IL32: variants seen among roughly 807,000 people sequenced by gnomAD.
IL32 encodes the protein interleukin 32, also known as interleukin-32.
In IL32, 30 loss-of-function variants were observed where a neutral mutation model predicts 16.6. The ratio of observed to expected loss-of-function variants is 1.81; its 90% CI spans 1.35 to 2.45. The LOEUF (loss-of-function observed/expected upper bound fraction) is 2.45. Among genes scored for constraint, IL32 ranks in the 30% most tolerant of loss-of-function variants. IL32 has a pLI of 0.00. For missense variants in IL32, 234 were observed against 229.8 expected, an observed-to-expected ratio of 1.02 and a Z score of -0.12; for synonymous variants, 70 against 86.1, an observed-to-expected ratio of 0.81 and a Z score of 1.03.
chr16:3,067,279 G>GTGTGTGTGTGTGTGTCTC, intron 2 of IL32, 98 bp from the exon 3 acceptor site: 2 of 422,740 alleles, frequency 4.7e-6, no homozygotes, highest in East Asian at 3.7e-5. Context: ...CTCTGTGTGT[G>GTGTGTGTGTGTGTGTCTC]TGTGTGTGTG....
chr16:3,067,808 G>T, intron 4 of IL32, 176 bp from the exon 5 acceptor site: 1 of 832,148 alleles, frequency 1.2e-6, no homozygotes, highest in Non-Finnish European at 2.0e-6. Context: ...ACTGAGGGAG[G>T]CATCCAAGCC....
At chr16:3,067,271 CTGTGTGTG>C (rs60859102) in intron 2 of IL32, 98 bp from the exon 3 acceptor site, 7,776 of 598,928 alleles carry the variant, frequency 0.013, 17 homozygotes, top group East Asian at 0.039. Context: ...CCATGTGTCT[CTGTGTGTG>C]TGTGTGTGTG....
At chr16:3,067,339 T>A in intron 2 of IL32, 38 bp from the exon 3 acceptor site, 1 of 1,214,846 alleles carries the variant, frequency 8.2e-7, no homozygotes. Flanking sequence ...AAGGTTAAGG[T>A]GACACATGGA....
At position 3,068,018 on chromosome 16, in the gene IL32, G is replaced by T. The variant is rs371879409; in HGVS notation, c.141+8G>T. The T allele has an allele frequency of 6.2e-7, 1 of 1,613,822 alleles. No homozygotes were observed. Among genetic ancestry groups the T allele is most frequent in the East Asian group, 2.2e-5 (1 of 44,834 alleles). On this transcript the variant is annotated splice_region_variant and intron_variant, in intron 5 of 6. Coordinates refer to ENST00000525643, the MANE Select transcript of IL32 (RefSeq NM_001376923.1). ...AGCCTGGCAGAGCTGGAGGTGAGCC[G>T]TGGCCTCCCCCTCCACCAAGCTTAG... is the stretch of plus-strand genomic sequence containing the variant.
At chr16:3,065,740 C>G in intron 1 of IL32, 44 bp from the exon 2 acceptor site, 1 of 1,598,904 alleles carries the variant, frequency 6.3e-7, no homozygotes, top group Non-Finnish European at 8.6e-7. Flanking sequence ...GAGGGTGCTT[C>G]TCTGAGACAC....
intron 4 of IL32, 141 bp from the exon 5 acceptor site, chr16:3,067,843 G>C (rs929466917): frequency 9.8e-7 from 1 of 1,019,414 alleles, no homozygotes; most frequent in Non-Finnish European, 1.5e-6. Flanking sequence ...GGAAACAACA[G>C]GGGTGCCAGA....
At chr16:3,068,501 C>T (rs576739690) in intron 6 of IL32, 1 of 491,012 alleles carries the variant, frequency 2.0e-6, no homozygotes, top group African/African-American at 1.9e-5. Context: ...TTAGTAGAGA[C>T]CAGGTTTCAC....
At chr16:3,066,605 G>A (rs1024122689) in intron 2 of IL32, among the ~76,000 whole-genome samples, 1 of 152,090 alleles carries the variant, frequency 6.6e-6, no homozygotes, top group Admixed American at 6.5e-5. Flanking sequence ...GGCCTCTGTG[G>A]ATGCAGCCAC....
chr16:3,068,549 G>T (rs1039633393), intron 6 of IL32: 1 of 428,768 alleles, frequency 2.3e-6, no homozygotes, highest in Non-Finnish European at 4.3e-6. Context: ...CTAACCTTGT[G>T]TTCCGTCTGC....
chr16:3,066,021 G>C (rs754293568), intron 2 of IL32, among the ~76,000 whole-genome samples, 195 bp downstream of exon 2: 12 of 152,144 alleles, frequency 7.9e-5, no homozygotes, highest in Non-Finnish European at 1.6e-4. Flanking sequence ...GCTGGAGAAC[G>C]GCAGGGGTGT....
chr16:3,067,462 C>G, intron 3 of IL32, 47 bp downstream of exon 3: 3 of 1,613,132 alleles, frequency 1.9e-6, no homozygotes, highest in Non-Finnish European at 2.5e-6. Context: ...GCCTGGGTCT[C>G]AGCGTGTGAC....
intron 4 of IL32, 126 bp from the exon 5 acceptor site, chr16:3,067,858 G>A: frequency 1.7e-6 from 2 of 1,148,334 alleles, no homozygotes; most frequent in Non-Finnish European, 1.3e-6. Context: ...GCCAGACGTG[G>A]CCCGGGCCCC....
Position 3,069,467 on chromosome 16 carries a change from T to A in IL32, c.*112T>A, listed in dbSNP as rs1462417864. 8.4e-6 allele frequency: 11 copies of A among 1,307,164 alleles called. No homozygotes were observed. The highest frequency in any genetic ancestry group is 1.1e-5 in the Non-Finnish European group (10 of 951,156). 81.0% of individuals were successfully genotyped at this position (1,307,164 alleles called of 1,614,324 possible). A position where few individuals can be genotyped will look rare whatever the true frequency, so the allele number is the denominator to read the frequency against. ...CACACTCAGTCCCCCTGCCTGGCGTTCCTGCCGCAGCTCTGACCTGGTGCT... is the reference window on the plus strand; with the variant it reads ...CACACTCAGTCCCCCTGCCTGGCGTACCTGCCGCAGCTCTGACCTGGTGCT... On this transcript the variant is annotated 3_prime_UTR_variant, in exon 7 of 7. Transcript: ENST00000525643.
chr16:3,067,337 G>T, intron 2 of IL32, 40 bp from the exon 3 acceptor site: 4 of 1,130,424 alleles, frequency 3.5e-6, no homozygotes, highest in Non-Finnish European at 5.1e-6. Flanking sequence ...GAAAGGTTAA[G>T]GTGACACATG....
chr16:3,067,596 G>C lies in IL32; in HGVS notation c.97G>C (p.Glu33Gln), dbSNP rs764907070. The part of the protein sequence containing the change: ...ERFYDKMQNA[E>Q]SGRGQVMSSL... Reference sequence around the variant, plus strand: ...ATTTTATGATAAAATGCAAAATGCAGAATCAGGACGTGGACAGGTGGGTGG... The same window carrying C: ...ATTTTATGATAAAATGCAAAATGCACAATCAGGACGTGGACAGGTGGGTGG... Residue 33 changes from glutamate (E) to glutamine (Q), a missense_variant, in exon 4 of 7, where the codon GAA becomes CAA. Coordinates refer to ENST00000525643, the MANE Select transcript of IL32 (RefSeq NM_001376923.1). The C allele has an allele frequency of 1.2e-6, 2 of 1,613,254 alleles. No homozygotes were observed. Among genetic ancestry groups the C allele is most frequent in the Non-Finnish European group, 1.7e-6 (2 of 1,179,572 alleles).
intron 2 of IL32, among the ~76,000 whole-genome samples, chr16:3,066,542 C>T (rs576139981): frequency 1.8e-4 from 28 of 152,210 alleles, no homozygotes; most frequent in African/African-American, 4.3e-4. Flanking sequence ...ATGTCACCCC[C>T]GAGACTAGGC....
chr16:3,067,307 G>GTGTGTGTGTGTGTGTA (rs1956485672), intron 2 of IL32, 70 bp from the exon 3 acceptor site: 1 of 726,746 alleles, frequency 1.4e-6, no homozygotes, highest in African/African-American at 1.9e-5. Context: ...GTGTGTGTGT[G>GTGTGTGTGTGTGTGTA]TGTATAAATT....
At chr16:3,068,342 G>C (rs537523635) in intron 6 of IL32, 103 bp downstream of exon 6, 353 of 1,141,144 alleles carry the variant, frequency 3.1e-4, no homozygotes, top group East Asian at 2.6e-5. Flanking sequence ...GTCTCGCTCT[G>C]TCGCCCAGGC....
chr16:3,066,242 C>T (rs1463904015), intron 2 of IL32, among the ~76,000 whole-genome samples: 2 of 151,588 alleles, frequency 1.3e-5, no homozygotes, highest in South Asian at 2.1e-4. Flanking sequence ...TACCACTGCC[C>T]CACCGCAAAT....
Sources: gnomAD v4.1 joint callset for allele counts (sites outside exome capture counted in the v4.1 genomes callset) on GRCh38, gnomAD v4.1.1 for gene constraint, MANE v1.5 for transcripts, NCBI Gene and HGNC (gene_info 2026-07-23, HGNC 2026-07-21) for gene names.